The following ATP2B2 variants were observed in gnomAD, a reference collection of about 807,000 sequenced individuals.
ATP2B2 encodes ATPase plasma membrane Ca2+ transporting 2.
A neutral mutation model predicts 120.0 loss-of-function variants in ATP2B2; 15 were observed. That is an observed-to-expected ratio of 0.12 (90% CI 0.08 to 0.19). The LOEUF is 0.19. Among genes scored for constraint, ATP2B2 ranks in the 10% least tolerant of loss-of-function variants. The probability of loss-of-function intolerance (pLI) is 1.00; values close to 1 mark genes in which losing one functional copy is unlikely to be tolerated. For missense variants in ATP2B2, 1,045 were observed against 1,719.8 expected, an observed-to-expected ratio of 0.61 and a Z score of 6.94; for synonymous variants, 694 against 700.3, an observed-to-expected ratio of 0.99 and a Z score of 0.14.
At chr3:10,687,922 TG>T (rs1368061405) in intron 1 of ATP2B2, among the ~76,000 whole-genome samples, 3 of 152,174 alleles carry the variant, frequency 2.0e-5, no homozygotes, top group Non-Finnish European at 4.4e-5. Flanking sequence ...ATTAGCTGGG[TG>T]ACCTTAGAAA....
At chr3:10,413,094 CCATT>C (rs1433087925) in intron 2 of ATP2B2, among the ~76,000 whole-genome samples, 2 of 152,146 alleles carry the variant, frequency 1.3e-5, no homozygotes, top group Non-Finnish European at 1.5e-5. Context: ...GCCTCTTCAC[CCATT>C]CATTCATTCA....
upstream of ATP2B2, among the ~76,000 whole-genome samples, chr3:10,510,377 C>T (rs767689934): frequency 6.6e-6 from 1 of 152,198 alleles, no homozygotes; most frequent in Non-Finnish European, 1.5e-5. Flanking sequence ...AACATTGTAG[C>T]GCAAGGTCAC....
At chr3:10,416,748 CTTTCTT>C (rs1189193940) in intron 2 of ATP2B2, among the ~76,000 whole-genome samples, 7 of 151,476 alleles carry the variant, frequency 4.6e-5, no homozygotes, top group African/African-American at 1.7e-4. Flanking sequence ...GAGGGAAGGA[CTTTCTT>C]TTTCTTTTTC....
chr3:10,564,147 T>A (rs1424419080), intron 2 of ATP2B2, among the ~76,000 whole-genome samples: 1 of 152,146 alleles, frequency 6.6e-6, no homozygotes, highest in Non-Finnish European at 1.5e-5. Flanking sequence ...GTCAGCTGAG[T>A]CTAGAGGACC....
At chr3:10,546,947 G>A (rs1389879463) in intron 2 of ATP2B2, among the ~76,000 whole-genome samples, 2 of 152,196 alleles carry the variant, frequency 1.3e-5, no homozygotes, top group Admixed American at 6.5e-5. Context: ...TGTCCTCTCT[G>A]AGTCAAAAAT....
At chr3:10,668,127 C>A (rs1269057939) in intron 1 of ATP2B2, among the ~76,000 whole-genome samples, 1 of 152,198 alleles carries the variant, frequency 6.6e-6, no homozygotes, top group Admixed American at 6.5e-5. Context: ...GGCCTCCCAG[C>A]CTGTAAGATA....
intron 1 of ATP2B2, among the ~76,000 whole-genome samples, chr3:10,479,813 T>C (rs1210373484): frequency 6.6e-6 from 1 of 152,166 alleles, no homozygotes; most frequent in African/African-American, 2.4e-5. Flanking sequence ...AGCCTAATTC[T>C]GGCTGGGCTT....
intron 3 of ATP2B2, among the ~76,000 whole-genome samples, chr3:10,531,707 C>T (rs1210706511): frequency 6.6e-6 from 1 of 152,164 alleles, no homozygotes; most frequent in African/African-American, 2.4e-5. Context: ...CTTTCCTCTT[C>T]TGTGAAATGA....
At chr3:10,696,821 T>G (rs1041932821) in intron 1 of ATP2B2, among the ~76,000 whole-genome samples, 9 of 152,162 alleles carry the variant, frequency 5.9e-5, no homozygotes, top group Non-Finnish European at 1.3e-4. Context: ...AGGTGAAATG[T>G]GGAGGTGGTA....
At chr3:10,378,499 C>A in intron 9 of ATP2B2, 89 bp from the exon 10 acceptor site, 2 of 1,540,928 alleles carry the variant, frequency 1.3e-6, no homozygotes, top group South Asian at 1.1e-5. Context: ...CTGGCACCCA[C>A]CCCTGCCTGC....
Position 10,358,773 on chromosome 3 carries a change from G to A in ATP2B2, c.2054C>T (p.Pro685Leu), listed in dbSNP as rs746292256. 10 of 1,614,100 alleles carry A rather than the reference G, an allele frequency of 6.2e-6. No individual in the cohort carries two copies. In the Admixed American group the frequency reaches 8.3e-5, roughly 13 times the overall value. The change falls in exon 14 of 23, where the codon CCG becomes CTG. Residue 685 changes from proline to leucine, a missense_variant. Physicochemically the swap from Pro to Leu is moderately conservative, Grantham distance 98. This residue lies in a region of ATP2B2 where 343 missense variants were observed against 536.8 expected (regional missense o/e 0.64). Coordinates refer to ENST00000360273, the MANE Select transcript of ATP2B2 (RefSeq NM_001001331.4). ...GATGTCATTCTCATTGTCCCAGTCC[G>A]GCTCCGGGCTGCTGGGGAAGTCGCG... The part of the protein sequence containing the change: ...AYRDFPSSPE[P>L]DWDNENDILN...
Position 10,536,337 on chromosome 3 carries a change from T to C in ATP2B2, c.-414-2204A>G, listed in dbSNP as rs1449899937. On this transcript the variant is annotated intron_variant, in intron 2 of 21. Coordinates refer to the ATP2B2 transcript ENST00000646379. ...TTTTTATCCTTGTCACAGGATTTTT[T>C]TTTTTTTTGTCTTTTTATCCTTGTC... Among the ~76,000 whole-genome samples the C allele has an allele frequency of 2.0e-5, 3 of 152,168 alleles. No homozygotes were observed. In the East Asian group the frequency reaches 5.8e-4, roughly 29 times the overall value.
At chr3:10,611,998 A>G (rs9852880) in intron 2 of ATP2B2, among the ~76,000 whole-genome samples, 66,046 of 152,044 alleles carry the variant, frequency 0.43, 16,064 homozygotes, top group East Asian at 0.78. Flanking sequence ...CATTTCTGCC[A>G]GCCAGCATCG....
chr3:10,444,929 A>T (rs2125159019), intron 2 of ATP2B2, among the ~76,000 whole-genome samples: 2 of 152,320 alleles, frequency 1.3e-5, no homozygotes, highest in Admixed American at 1.3e-4. Flanking sequence ...TTGAGCTCCC[A>T]GGCAATGCAT....
intron 4 of ATP2B2, among the ~76,000 whole-genome samples, chr3:10,401,792 G>A (rs980527253): frequency 2.0e-5 from 3 of 152,172 alleles, no homozygotes; most frequent in Admixed American, 6.5e-5. Flanking sequence ...AGGCTTCTGC[G>A]GCTGTATCCA....
intron 1 of ATP2B2, among the ~76,000 whole-genome samples, chr3:10,676,583 G>T (rs2071250823): frequency 6.6e-6 from 1 of 151,882 alleles, no homozygotes; most frequent in African/African-American, 2.4e-5. Flanking sequence ...AGGCTTTCTG[G>T]GAGACAATTT....
chr3:10,493,022 T>C (rs995435110), intron 1 of ATP2B2, among the ~76,000 whole-genome samples: 4 of 151,914 alleles, frequency 2.6e-5, no homozygotes, highest in Non-Finnish European at 4.4e-5. Flanking sequence ...CCAATTCATT[T>C]GTTCATTCAT....
intron 2 of ATP2B2, among the ~76,000 whole-genome samples, chr3:10,552,426 C>T (rs2067690045): frequency 6.6e-6 from 1 of 152,234 alleles, no homozygotes; most frequent in Non-Finnish European, 1.5e-5. Context: ...GCTGGCCTGG[C>T]TCCTGGGGTG....
chr3:10,373,520 T>G (rs943741380), intron 11 of ATP2B2, among the ~76,000 whole-genome samples: 6 of 152,188 alleles, frequency 3.9e-5, no homozygotes, highest in Non-Finnish European at 8.8e-5. Flanking sequence ...GTGCTGTGAG[T>G]GCAAAATATA....
Sources: gnomAD v4.1 joint callset for allele counts (sites outside exome capture counted in the v4.1 genomes callset) on GRCh38, gnomAD v4.1.1 for gene constraint, gnomAD v4.1.1 regional missense constraint, MANE v1.5 for transcripts, NCBI Gene and HGNC (gene_info 2026-07-23, HGNC 2026-07-21) for gene names.